Variants in RGS6 observed in about 807,000 individuals in gnomAD.
RGS6 encodes the protein regulator of G-protein signaling 6.
RGS6 carries 30 observed loss-of-function variants against 78.5 expected under a neutral mutation model. The ratio of observed to expected loss-of-function variants is 0.38; its 90% CI spans 0.29 to 0.52. The LOEUF (loss-of-function observed/expected upper bound fraction) is 0.52. Ranked by LOEUF, RGS6 falls within the 20% of genes least tolerant of loss-of-function variation. The pLI is 0.85. For synonymous variants in RGS6, 206 were observed against 206.0 expected (o/e 1.00, Z 0.00); for missense variants, 495 against 609.7 (o/e 0.81, Z 1.98).
At chr14:72,508,291 G>A (rs998699077) in intron 13 of RGS6, among the ~76,000 whole-genome samples, 6 of 152,042 alleles carry the variant, frequency 3.9e-5, no homozygotes, top group South Asian at 4.1e-4. Flanking sequence ...GTTTGGATGC[G>A]GTATGTCTAG....
chr14:71,976,475 T>C (rs980853913), intron 2 of RGS6, among the ~76,000 whole-genome samples: 3 of 145,280 alleles, frequency 2.1e-5, no homozygotes, highest in African/African-American at 7.7e-5. Context: ...TGTGATCTCA[T>C]TGTTCAGTTC....
chr14:71,885,720 G>A, the RGS6 span, among the ~76,000 whole-genome samples: 7 of 152,318 alleles, frequency 4.6e-5, no homozygotes, highest in Admixed American at 1.3e-4. Flanking sequence ...TGGAACACAG[G>A]AAAGTTGGAA....
At chr14:72,312,589 C>T (rs1567726033) in intron 2 of RGS6, among the ~76,000 whole-genome samples, 2 of 152,148 alleles carry the variant, frequency 1.3e-5, no homozygotes, top group African/African-American at 4.8e-5. Flanking sequence ...CTAATAATAC[C>T]TGCCCTGGCC....
rs576266856 is a variant in RGS6, at chr14:72,276,091, A to G, written c.85-76004A>G. 1.2e-4 allele frequency among the ~76,000 whole-genome samples: 18 copies of G among 152,360 alleles called. 1 individual carries two copies. The South Asian group carries it at 3.7e-3, about 32-fold the overall frequency. ...TGTGCTGCTGGGTACATGTCTGCCC[A>G]TAAATAAACATGGACTGTTCATTGA... On this transcript the variant is annotated intron_variant, in intron 2 of 17. Transcript: ENST00000553525.
At chr14:72,391,396 A>T (rs2089950973) in intron 3 of RGS6, among the ~76,000 whole-genome samples, 1 of 152,236 alleles carries the variant, frequency 6.6e-6, no homozygotes, top group South Asian at 2.1e-4. Context: ...CCATCATCGT[A>T]TGTGAGTTAG....
chr14:72,364,007 A>AAG (rs2081997663), intron 3 of RGS6, among the ~76,000 whole-genome samples: 1 of 147,658 alleles, frequency 6.8e-6, no homozygotes, highest in Non-Finnish European at 1.5e-5. Flanking sequence ...GCTAAAAAAA[A>AAG]AAAAAAAAAA....
downstream of RGS6, among the ~76,000 whole-genome samples, chr14:72,566,965 G>A (rs555463144): frequency 6.6e-6 from 1 of 152,268 alleles, no homozygotes; most frequent in South Asian, 2.1e-4. Flanking sequence ...TTTCCTGAGC[G>A]ACAGACAGTT....
At chr14:71,967,189 G>GTA (rs10571406) in intron 2 of RGS6, among the ~76,000 whole-genome samples, 5,784 of 145,764 alleles carry the variant, frequency 0.04, 366 homozygotes, top group African/African-American at 0.13. Context: ...TGTGTAAAGA[G>GTA]TATATATATA....
intron 3 of RGS6, among the ~76,000 whole-genome samples, chr14:72,374,075 A>G (rs1316122291): frequency 6.6e-6 from 1 of 152,212 alleles, no homozygotes; most frequent in East Asian, 1.9e-4. Context: ...ACTGAACACC[A>G]ACTGTATCTA....
At chr14:72,320,078 T>A (rs2071471509) in intron 2 of RGS6, among the ~76,000 whole-genome samples, 2 of 152,076 alleles carry the variant, frequency 1.3e-5, no homozygotes, top group Non-Finnish European at 2.9e-5. Flanking sequence ...AAGACCACAG[T>A]TTAAAAAAAA....
Position 72,498,837 on chromosome 14 carries a change from G to A in RGS6, c.965+3575G>A, listed in dbSNP as rs543272556. ...CCTGGTTTGGTTCACGGAGTTCCCC[G>A]GCAGGCTTTCCCCTGAGCAGTTCAC... On this transcript the variant is annotated intron_variant, in intron 13 of 17. Coordinates refer to ENST00000553525, the MANE Select transcript of RGS6 (RefSeq NM_001204424.2). Among the ~76,000 whole-genome samples, 7 of 152,290 alleles carry A rather than the reference G, an allele frequency of 4.6e-5. No homozygotes were observed. The East Asian group carries it at 9.7e-4, about 21-fold the overall frequency.
intron 15 of RGS6, among the ~76,000 whole-genome samples, chr14:72,532,378 A>G (rs1598794091): frequency 6.6e-6 from 1 of 152,026 alleles, no homozygotes. Context: ...CCATTCCCCC[A>G]TCTCTTTCCC....
chr14:72,244,551 G>T (rs1246494492), intron 2 of RGS6, among the ~76,000 whole-genome samples: 2 of 152,140 alleles, frequency 1.3e-5, no homozygotes, highest in Admixed American at 6.5e-5. Flanking sequence ...AAGGACAGTT[G>T]TTCCCCCTAC....
chr14:72,614,777 G>GGAAAAAAAAAAAAA, the RGS6 span, among the ~76,000 whole-genome samples: 13 of 96,058 alleles, frequency 1.4e-4, no homozygotes, highest in African/African-American at 5.6e-4. Context: ...ACAAGCCTCA[G>GGAAAAAAAAAAAAA]AAAAAAAAAA....
intron 2 of RGS6, among the ~76,000 whole-genome samples, chr14:72,330,183 A>T (rs2074687918): frequency 6.6e-6 from 1 of 152,232 alleles, no homozygotes; most frequent in Non-Finnish European, 1.5e-5. Context: ...CTTCCGGTCC[A>T]GTTCTCCCCC....
intron 2 of RGS6, among the ~76,000 whole-genome samples, chr14:72,207,183 ATGTAT>A (rs748170624): frequency 9.9e-5 from 15 of 152,236 alleles, no homozygotes; most frequent in African/African-American, 2.4e-4. Flanking sequence ...TTTTCTATAG[ATGTAT>A]TGTTTGTTTT....
the RGS6 span, among the ~76,000 whole-genome samples, chr14:72,622,367 G>A: frequency 2.0e-5 from 3 of 152,070 alleles, no homozygotes; most frequent in African/African-American, 4.8e-5. Context: ...TGTAGTTTAC[G>A]CCAAAACAGT....
the RGS6 span, among the ~76,000 whole-genome samples, chr14:71,926,585 GAAAA>G: frequency 0.019 from 985 of 51,254 alleles, 8 homozygotes; most frequent in Non-Finnish European, 0.025. Flanking sequence ...CTCTGTCTCA[GAAAA>G]AAAAAAAAAA....
intron 2 of RGS6, among the ~76,000 whole-genome samples, chr14:72,041,126 G>T (rs1470296338): frequency 1.3e-5 from 2 of 151,370 alleles, no homozygotes; most frequent in Non-Finnish European, 2.9e-5. Flanking sequence ...ATTGGGCCAT[G>T]TTCCCCTGAT....
Sources: allele counts gnomAD v4.1 joint callset (sites outside exome capture counted in the v4.1 genomes callset), GRCh38; gene constraint gnomAD v4.1.1; transcripts MANE v1.5; gene names NCBI Gene and HGNC (gene_info 2026-07-23, HGNC 2026-07-21).